Variants in TTBK2 observed in about 807,000 individuals in gnomAD.
TTBK2 encodes the protein tau tubulin kinase 2.
Under a neutral mutation model 110.8 loss-of-function variants are expected in TTBK2, and 28 were observed. The observed-to-expected ratio is 0.25, with a 90% CI of 0.19 to 0.35. The LOEUF (loss-of-function observed/expected upper bound fraction) is 0.35. Among genes scored for constraint, TTBK2 ranks in the 10% least tolerant of loss-of-function variants. TTBK2 has a pLI of 1.00. For missense variants in TTBK2, 1,369 were observed against 1,500.3 expected (o/e 0.91, Z 1.45); for synonymous variants, 532 against 527.3 (o/e 1.01, Z -0.12).
chr15:42,841,028 A>G (rs747360653), intron 3 of TTBK2, among the ~76,000 whole-genome samples: 5 of 152,130 alleles, frequency 3.3e-5, no homozygotes, highest in African/African-American at 4.8e-5. Context: ...TGAGCCACAT[A>G]TATTGGTTAG....
At chr15:42,890,718 A>G (rs1895421617) in intron 1 of TTBK2, among the ~76,000 whole-genome samples, 1 of 152,152 alleles carries the variant, frequency 6.6e-6, no homozygotes, top group South Asian at 2.1e-4. Context: ...AAGTGACTCC[A>G]AGCTTCAGGA....
chr15:42,872,472 A>T (rs1212928218), intron 3 of TTBK2, 139 bp downstream of exon 3: 2 of 966,338 alleles, frequency 2.1e-6, no homozygotes, highest in African/African-American at 3.3e-5. Context: ...CCAAGAGAAA[A>T]ATGCTCAGCG....
rs2061792033 is a variant in TTBK2 at position 42,746,113 on chromosome 15, T to G, written c.3417A>C (p.Thr1139=). 1 of 1,613,992 alleles carries G rather than the reference T, an allele frequency of 6.2e-7. No individual in the cohort carries two copies. Among genetic ancestry groups the G allele is most frequent in the Non-Finnish European group, 8.5e-7 (1 of 1,179,980 alleles). Residue 1139 remains threonine, a synonymous_variant, in exon 15 of 15, where the codon ACA becomes ACC. Transcript: ENST00000267890. ...GAGGGACAACTGGACTCTTGGGTGG[T>G]GTTTTTGGATTGTGAGGAGATCCTG... is the stretch of plus-strand genomic sequence containing the variant. ...KSPGSPHNPK[T]PPKSPVVPRR...
intron 1 of TTBK2, among the ~76,000 whole-genome samples, chr15:42,906,414 C>T (rs2030401836): frequency 6.6e-6 from 1 of 152,122 alleles, no homozygotes. Context: ...AGAAAATTAC[C>T]ATACTAATAT....
At chr15:42,860,851 G>A (rs990693984) in intron 3 of TTBK2, among the ~76,000 whole-genome samples, 5 of 151,836 alleles carry the variant, frequency 3.3e-5, no homozygotes, top group African/African-American at 9.7e-5. Context: ...GTTTCACCAC[G>A]TTGGCCAGGC....
At chr15:42,911,533 A>G (rs1411465300) in intron 1 of TTBK2, among the ~76,000 whole-genome samples, 1 of 152,226 alleles carries the variant, frequency 6.6e-6, no homozygotes, top group Non-Finnish European at 1.5e-5. Context: ...ATTAGCAAAC[A>G]TGACCCAGAA....
At chr15:42,760,212 C>G (rs2062004825) in intron 13 of TTBK2, among the ~76,000 whole-genome samples, 2 of 151,618 alleles carry the variant, frequency 1.3e-5, no homozygotes, top group African/African-American at 2.4e-5. Flanking sequence ...ATGGTGAAAC[C>G]CTGTCTCTAC....
At position 42,746,162 on chromosome 15, in the gene TTBK2, C is replaced by T. The variant is rs533830058; in HGVS notation, c.3368G>A (p.Arg1123Gln). 33 of 1,613,940 alleles carry T rather than the reference C, an allele frequency of 2.0e-5. 1 individual carries two copies. In the Admixed American group the frequency reaches 2.5e-4, roughly 12 times the overall value. ...QILQNGSQKP[R>Q]STTQCKSPGS... ...TGGACTCTTGCACTGAGTAGTGCTC[C>T]GGGGTTTCTGAGATCCATTTTGAAG... The change falls in exon 15 of 15, where the codon CGG becomes CAG. Residue 1123 changes from arginine to glutamine, a missense_variant. Coordinates refer to ENST00000267890, the MANE Select transcript of TTBK2 (RefSeq NM_173500.4).
At chr15:42,882,784 A>G (rs1895097249) in intron 1 of TTBK2, among the ~76,000 whole-genome samples, 2 of 152,324 alleles carry the variant, frequency 1.3e-5, no homozygotes, top group East Asian at 1.9e-4. Context: ...CCACAATTCT[A>G]TATGCAGAGA....
At chr15:42,853,396 TG>T (rs1893799384) in intron 3 of TTBK2, among the ~76,000 whole-genome samples, 1 of 152,202 alleles carries the variant, frequency 6.6e-6, no homozygotes, top group South Asian at 2.1e-4. Flanking sequence ...AGAATAAAAT[TG>T]TTTCATTATC....
intron 14 of TTBK2, among the ~76,000 whole-genome samples, chr15:42,750,824 C>T (rs1411303075): frequency 6.6e-6 from 1 of 152,162 alleles, no homozygotes; most frequent in Non-Finnish European, 1.5e-5. Flanking sequence ...TATAATTAAA[C>T]TGTCAAAAGA....
intron 13 of TTBK2, among the ~76,000 whole-genome samples, chr15:42,758,001 C>G (rs1418028156): frequency 6.6e-6 from 1 of 152,186 alleles, no homozygotes; most frequent in African/African-American, 2.4e-5. Context: ...ATGTTTCAAA[C>G]TAGCCACTAG....
intron 13 of TTBK2, among the ~76,000 whole-genome samples, chr15:42,771,288 C>A (rs16957125): frequency 0.051 from 7,753 of 152,086 alleles, 552 homozygotes; most frequent in African/African-American, 0.15. Flanking sequence ...CATTCCTTAA[C>A]CTTCCCAGAA....
chr15:42,746,002 A>G lies in TTBK2; in HGVS notation c.3528T>C (p.His1176=), dbSNP rs920391448. Reference sequence around the variant, plus strand: ...GATGTGGGGACGAACTCCTCTGGTCATGGTGGGGCCGTCCAGCCCTAGATG... The same window carrying G: ...GATGTGGGGACGAACTCCTCTGGTCGTGGTGGGGCCGTCCAGCCCTAGATG... ...SSPSRAGRPH[H]DQRSSSPHLG... Residue 1176 remains histidine, a synonymous_variant, in exon 15 of 15, where the codon CAT becomes CAC. Coordinates refer to ENST00000267890, the MANE Select transcript of TTBK2 (RefSeq NM_173500.4). The G allele has an allele frequency of 5.6e-6, 9 of 1,613,962 alleles. No individual in the cohort carries two copies. In the African/African-American group the frequency reaches 1.2e-4, roughly 22 times the overall value.
rs2061771956 is a variant in TTBK2 at position 42,744,937 on chromosome 15, T to G, written c.*858A>C. On this transcript the variant is annotated 3_prime_UTR_variant, in exon 15 of 15. Coordinates refer to ENST00000267890, the MANE Select transcript of TTBK2 (RefSeq NM_173500.4). ...ACTCAAGTTTCTAAAGGAGGACACT[T>G]AACAGAGATGAAAGGGCATCTTCTA... 6.5e-6 allele frequency: 1 copy of G among 154,326 alleles called. No individual in the cohort carries two copies. Among genetic ancestry groups the G allele is most frequent in the South Asian group, 2.0e-4 (1 of 4,916 alleles). The allele number at this position is 154,326 out of a possible 1,614,324, so 9.6% of individuals were successfully genotyped here.
At chr15:42,794,935 G>T in intron 9 of TTBK2, 134 bp from the exon 10 acceptor site, 1 of 1,088,212 alleles carries the variant, frequency 9.2e-7, no homozygotes, top group Non-Finnish European at 1.4e-6. Context: ...CTCAAATTGC[G>T]AAATTTGAAT....
intron 4 of TTBK2, 50 bp from the exon 5 acceptor site, chr15:42,830,128 T>A (rs1892688626): frequency 1.1e-5 from 17 of 1,607,230 alleles, no homozygotes; most frequent in Non-Finnish European, 1.4e-5. Flanking sequence ...AACTATAGTA[T>A]AAGAGAAGAC....
chr15:42,810,752 G>C lies in TTBK2; in HGVS notation c.697-13C>G, dbSNP rs538616514. On this transcript the variant is annotated splice_polypyrimidine_tract_variant and intron_variant, in intron 8 of 14. Transcript: ENST00000267890. ...AGCCTACTTGCTCCTGGGAAGTAAA[G>C]AGAAAAAGAGCTACAGTCAATTTCT... 104 of 1,613,184 alleles carry C rather than the reference G, an allele frequency of 6.4e-5. No individual in the cohort carries two copies. Among genetic ancestry groups the C allele is most frequent in the Non-Finnish European group, 8.6e-5 (101 of 1,179,740 alleles).
chr15:42,811,662 A>G (rs1031739248), intron 8 of TTBK2, 26 bp downstream of exon 8: 3 of 1,590,332 alleles, frequency 1.9e-6, no homozygotes, highest in African/African-American at 1.3e-5. Context: ...TTCTACCACA[A>G]TTGACATCTC....
Sources: gnomAD v4.1 joint callset for allele counts (sites outside exome capture counted in the v4.1 genomes callset) on GRCh38, gnomAD v4.1.1 for gene constraint, MANE v1.5 for transcripts, NCBI Gene and HGNC (gene_info 2026-07-23, HGNC 2026-07-21) for gene names.